ACAD11: variants seen among roughly 807,000 people sequenced by gnomAD.
ACAD11 encodes acyl-CoA dehydrogenase family member 11.
A neutral mutation model predicts 102.2 loss-of-function variants in ACAD11; 83 were observed. The observed-to-expected ratio is 0.81, with a 90% CI of 0.68 to 0.97. The LOEUF (loss-of-function observed/expected upper bound fraction) is 0.97, where lower values mean the gene tolerates loss of function less well. Among genes scored for constraint, ACAD11 ranks in the 50% least tolerant of loss-of-function variants. The probability of loss-of-function intolerance (pLI) is 0.00; values close to 1 mark genes in which losing one functional copy is unlikely to be tolerated. For synonymous variants in ACAD11, 324 were observed against 319.8 expected (o/e 1.01, Z -0.14); for missense variants, 901 against 951.7 (o/e 0.95, Z 0.70).
chr3:132,559,130 G>C lies in ACAD11; in HGVS notation c.2229-45C>G, dbSNP rs769282305. The C allele has an allele frequency of 1.8e-5, 24 of 1,315,774 alleles. No homozygotes were observed. In the Admixed American group the frequency reaches 4.1e-4, roughly 23 times the overall value. 81.5% of individuals were successfully genotyped at this position (1,315,774 alleles called of 1,614,324 possible). On this transcript the variant is annotated intron_variant, in intron 19 of 19. Transcript: ENST00000264990. ...AGGGAACACAGGGAGTTATGGAAGA[G>C]GAACATGATACTTTGACATCAGTCA...
At chr3:132,595,615 C>T (rs1035137521) in intron 13 of ACAD11, among the ~76,000 whole-genome samples, 7 of 152,082 alleles carry the variant, frequency 4.6e-5, no homozygotes, top group Admixed American at 3.9e-4. Flanking sequence ...AAAAACAACC[C>T]TATTAAAAAG....
At chr3:132,626,562 G>A (rs1404024233) in intron 9 of ACAD11, 129 bp downstream of exon 9, 27 of 1,060,954 alleles carry the variant, frequency 2.5e-5, no homozygotes, top group Non-Finnish European at 3.4e-5. Flanking sequence ...TAGTTCTAAG[G>A]TGAGAAGAAG....
At chr3:132,651,596 T>A (rs543245313) in intron 1 of ACAD11, among the ~76,000 whole-genome samples, 1 of 152,280 alleles carries the variant, frequency 6.6e-6, no homozygotes, top group Admixed American at 6.5e-5. Flanking sequence ...ATTCCAACAA[T>A]CCTTCAATCA....
intron 17 of ACAD11, among the ~76,000 whole-genome samples, chr3:132,565,966 A>C (rs1176849751): frequency 6.6e-6 from 1 of 152,188 alleles, no homozygotes; most frequent in East Asian, 1.9e-4. Context: ...GGTATTCCTT[A>C]ATAGCACTAT....
chr3:132,578,754 T>C (rs1178741763), intron 15 of ACAD11, 42 bp downstream of exon 15: 10 of 1,604,182 alleles, frequency 6.2e-6, no homozygotes, highest in Non-Finnish European at 8.5e-6. Context: ...TATTCTAGCC[T>C]TCCTGCTTGC....
chr3:132,642,052 A>T lies in ACAD11; in HGVS notation c.457T>A (p.Leu153Met), dbSNP rs767451713. 1.9e-6 allele frequency: 3 copies of T among 1,614,088 alleles called. No homozygotes were observed. In the South Asian group the frequency reaches 3.3e-5, roughly 18 times the overall value. Residue 153 changes from leucine to methionine, a missense_variant, in exon 4 of 20, where the codon TTG (leucine) becomes ATG (methionine). Leu to Met is a conservative substitution (Grantham distance 15, BLOSUM62 2). Coordinates refer to ENST00000264990, the MANE Select transcript of ACAD11 (RefSeq NM_032169.5). ...ATATTCAAGGAATGTAACTGAGCCAATGTTTCTACCGTGGCCACATATATG... is the reference window on the plus strand; with the variant it reads ...ATATTCAAGGAATGTAACTGAGCCATTGTTTCTACCGTGGCCACATATATG... ...SAIYVATVET[L>M]AQLHSLNIQS...
intron 9 of ACAD11, among the ~76,000 whole-genome samples, chr3:132,623,371 C>T (rs951582021): frequency 6.6e-6 from 1 of 151,528 alleles, no homozygotes; most frequent in Non-Finnish European, 1.5e-5. Context: ...TAGATTTTTC[C>T]CTCTTTGATT....
chr3:132,602,905 C>CA (rs1938677524), intron 13 of ACAD11, among the ~76,000 whole-genome samples: 2 of 152,238 alleles, frequency 1.3e-5, no homozygotes, highest in Admixed American at 1.3e-4. Context: ...CGGGGTCAAG[C>CA]AAATCTCCTG....
At chr3:132,655,112 G>C (rs377564948) in intron 1 of ACAD11, among the ~76,000 whole-genome samples, 1 of 152,108 alleles carries the variant, frequency 6.6e-6, no homozygotes, top group Non-Finnish European at 1.5e-5. Flanking sequence ...TATGCAGCCC[G>C]TCATTGACCA....
intron 17 of ACAD11, among the ~76,000 whole-genome samples, chr3:132,567,676 A>G (rs1937254741): frequency 6.6e-6 from 1 of 152,188 alleles, no homozygotes; most frequent in African/African-American, 2.4e-5. Flanking sequence ...TGACCAAACT[A>G]TATGTTATTT....
Position 132,619,611 on chromosome 3 carries a change from C to G in ACAD11, c.1198-66G>C, listed in dbSNP as rs1939536236. On this transcript the variant is annotated intron_variant, in intron 9 of 19. Transcript: ENST00000264990. ...AATACAAAGTAAACAATGTCATAAA[C>G]TGCTAATATCTAAAATAAACATTTT... The G allele has an allele frequency of 4.8e-6, 4 of 829,554 alleles. No individual in the cohort carries two copies. In the African/African-American group the frequency reaches 7.0e-5, roughly 15 times the overall value. The allele number at this position is 829,554 out of a possible 1,614,324, so 51.4% of individuals were successfully genotyped here.
chr3:132,578,955 A>G (rs753928102), intron 14 of ACAD11, 74 bp from the exon 15 acceptor site: 16 of 1,594,440 alleles, frequency 1.0e-5, no homozygotes, highest in Non-Finnish European at 1.3e-5. Flanking sequence ...GCAGAATCAC[A>G]ATTGTCTTTT....
intron 1 of ACAD11, among the ~76,000 whole-genome samples, chr3:132,658,382 A>AT (rs1937933616): frequency 6.6e-6 from 1 of 152,138 alleles, no homozygotes; most frequent in African/African-American, 2.4e-5. Flanking sequence ...AACTAATTTC[A>AT]TTTTTTGAAC....
chr3:132,564,816 T>A (rs1937164415), intron 17 of ACAD11, among the ~76,000 whole-genome samples: 1 of 152,136 alleles, frequency 6.6e-6, no homozygotes, highest in South Asian at 2.1e-4. Flanking sequence ...AAAACAAACA[T>A]AAGAAGACTC....
intron 13 of ACAD11, among the ~76,000 whole-genome samples, chr3:132,586,347 G>C (rs564318917): frequency 5.9e-5 from 9 of 152,084 alleles, no homozygotes; most frequent in Non-Finnish European, 1.2e-4. Context: ...GTTGTGGGGT[G>C]GGGGGAGGCA....
chr3:132,631,691 CCTT>C (rs1467456755), intron 5 of ACAD11, among the ~76,000 whole-genome samples: 1 of 152,196 alleles, frequency 6.6e-6, no homozygotes, highest in Non-Finnish European at 1.5e-5. Context: ...GGCCATCAGT[CCTT>C]CTCATTTTAC....
chr3:132,634,592 A>G (rs1404431872), intron 5 of ACAD11, among the ~76,000 whole-genome samples: 1 of 152,150 alleles, frequency 6.6e-6, no homozygotes, highest in Non-Finnish European at 1.5e-5. Context: ...TGCTGCTATA[A>G]AGACACATGC....
intron 5 of ACAD11, among the ~76,000 whole-genome samples, chr3:132,631,957 G>A (rs1940056339): frequency 6.6e-6 from 1 of 152,046 alleles, no homozygotes. Flanking sequence ...GATACTGTTA[G>A]TTTTATAAAT....
chr3:132,643,733 AG>A (rs1940613832), intron 2 of ACAD11, among the ~76,000 whole-genome samples: 1 of 151,192 alleles, frequency 6.6e-6, no homozygotes, highest in Admixed American at 6.6e-5. Flanking sequence ...AACGAGGGGG[AG>A]GGGGTAAGGG....
Sources: gnomAD v4.1 joint callset for allele counts (sites outside exome capture counted in the v4.1 genomes callset) on GRCh38, gnomAD v4.1.1 for gene constraint, MANE v1.5 for transcripts, NCBI Gene and HGNC (gene_info 2026-07-23, HGNC 2026-07-21) for gene names.